ST6GALNAC3: variants seen among roughly 807,000 people sequenced by gnomAD.
The protein encoded by ST6GALNAC3 is ST6 N-acetylgalactosaminide alpha-2,6-sialyltransferase 3, also known as alpha-N-acetylgalactosaminide alpha-2,6-sialyltransferase 3.
In ST6GALNAC3, 25 loss-of-function variants were observed where a neutral mutation model predicts 32.7. The ratio of observed to expected loss-of-function variants is 0.76; its 90% CI spans 0.56 to 1.07. The LOEUF (loss-of-function observed/expected upper bound fraction) is 1.07, where lower values mean the gene tolerates loss of function less well. ST6GALNAC3 is among the 50% of genes least tolerant of loss of function. The pLI is 0.00. For synonymous variants in ST6GALNAC3, 129 were observed against 133.1 expected (o/e 0.97, Z 0.21); for missense variants, 355 against 382.4 (o/e 0.93, Z 0.60).
At chr1:76,147,932 C>T (rs1388371997) in intron 1 of ST6GALNAC3, among the ~76,000 whole-genome samples, 1 of 152,146 alleles carries the variant, frequency 6.6e-6, no homozygotes, top group Non-Finnish European at 1.5e-5. Context: ...ACCCTTCTCT[C>T]TTTGTATGGG....
chr1:76,459,555 C>A (rs1036887659), intron 3 of ST6GALNAC3, among the ~76,000 whole-genome samples: 1 of 140,670 alleles, frequency 7.1e-6, no homozygotes, highest in Non-Finnish European at 1.5e-5. Flanking sequence ...CAGAGCAAGA[C>A]TCCATCTCAA....
intron 1 of ST6GALNAC3, among the ~76,000 whole-genome samples, chr1:76,250,723 A>G (rs920413744): frequency 6.6e-6 from 1 of 152,180 alleles, no homozygotes; most frequent in Non-Finnish European, 1.5e-5. Context: ...CAACATGGCT[A>G]TGAAGCATAC....
chr1:76,087,179 C>T (rs921948302), intron 1 of ST6GALNAC3, among the ~76,000 whole-genome samples: 2 of 152,170 alleles, frequency 1.3e-5, no homozygotes, highest in Non-Finnish European at 2.9e-5. Flanking sequence ...TGACTTCTAA[C>T]TTGTGGGTAA....
chr1:76,312,749 T>C lies in ST6GALNAC3; in HGVS notation c.19-1056T>C, dbSNP rs369608664. On this transcript the variant is annotated intron_variant, in intron 1 of 4. Transcript: ENST00000328299. Reference sequence around the variant, plus strand: ...ACTTAGTATAGATGTATTAGCTTGATATCTGAGGCAATTCAGAATAAAGTT... The same window carrying C: ...ACTTAGTATAGATGTATTAGCTTGACATCTGAGGCAATTCAGAATAAAGTT... Among the ~76,000 whole-genome samples the C allele has an allele frequency of 1.3e-3, 194 of 152,276 alleles. 1 individual carries two copies. The highest frequency in any genetic ancestry group is 4.5e-3 in the African/African-American group (187 of 41,576).
intron 3 of ST6GALNAC3, among the ~76,000 whole-genome samples, chr1:76,598,949 A>G (rs1168359010): frequency 2.6e-5 from 4 of 152,200 alleles, no homozygotes; most frequent in African/African-American, 4.8e-5. Flanking sequence ...CTTTTCATGG[A>G]AAGAGAAAAT....
chr1:76,395,629 A>G (rs1652898481), intron 2 of ST6GALNAC3, among the ~76,000 whole-genome samples: 1 of 152,096 alleles, frequency 6.6e-6, no homozygotes, highest in African/African-American at 2.4e-5. Flanking sequence ...ACAGAGGAAT[A>G]TTATTCAGCC....
intron 2 of ST6GALNAC3, among the ~76,000 whole-genome samples, chr1:76,386,669 TAG>T (rs1652119485): frequency 6.6e-6 from 1 of 152,150 alleles, no homozygotes; most frequent in East Asian, 1.9e-4. Flanking sequence ...CTGTGGGTGT[TAG>T]AGTTAAACCT....
intron 3 of ST6GALNAC3, among the ~76,000 whole-genome samples, chr1:76,478,433 T>G (rs1319600230): frequency 6.6e-5 from 10 of 152,198 alleles, no homozygotes; most frequent in African/African-American, 2.4e-4. Context: ...GGATTTCTGT[T>G]GACTCCCAGA....
chr1:76,519,976 CTT>C (rs1292126257), intron 3 of ST6GALNAC3, among the ~76,000 whole-genome samples: 3 of 151,584 alleles, frequency 2.0e-5, no homozygotes, highest in Non-Finnish European at 2.9e-5. Context: ...TATTTTTACA[CTT>C]ATATACACTG....
intron 1 of ST6GALNAC3, among the ~76,000 whole-genome samples, chr1:76,235,736 T>A (rs2952435): frequency 0.38 from 54,494 of 145,300 alleles, 12,124 homozygotes; most frequent in African/African-American, 0.63. Context: ...ATGAGAAACT[T>A]ACTGTGTCAC....
At chr1:76,443,204 T>G (rs1321278796) in intron 3 of ST6GALNAC3, among the ~76,000 whole-genome samples, 1 of 152,148 alleles carries the variant, frequency 6.6e-6, no homozygotes, top group Admixed American at 6.5e-5. Flanking sequence ...CAAGCTGTAG[T>G]GCAGTTGTGG....
At chr1:76,297,556 T>G (rs1660476652) in intron 1 of ST6GALNAC3, among the ~76,000 whole-genome samples, 1 of 152,028 alleles carries the variant, frequency 6.6e-6, no homozygotes, top group South Asian at 2.1e-4. Flanking sequence ...GATCATTAGC[T>G]TTTTAGGTGC....
intron 3 of ST6GALNAC3, among the ~76,000 whole-genome samples, chr1:76,624,774 A>C (rs940033178): frequency 3.1e-4 from 47 of 151,862 alleles, no homozygotes; most frequent in African/African-American, 1.1e-3. Flanking sequence ...TTCTCCCCAC[A>C]AAAGTTTTGT....
intron 1 of ST6GALNAC3, among the ~76,000 whole-genome samples, chr1:76,113,935 CTGCCTCAACCTCCTGA>C (rs1648272994): frequency 6.6e-6 from 1 of 151,872 alleles, no homozygotes. Context: ...AGCAATTCTC[CTGCCTCAACCTCCTGA>C]GTAGCTGGGA....
Position 76,122,774 on chromosome 1 carries a change from C to T in ST6GALNAC3, c.18+47890C>T, listed in dbSNP as rs188646275. Among the ~76,000 whole-genome samples, 261 of 152,178 alleles carry T rather than the reference C, an allele frequency of 1.7e-3. 1 individual carries two copies. The highest frequency in any genetic ancestry group is 5.5e-3 in the African/African-American group (229 of 41,528). On this transcript the variant is annotated intron_variant, in intron 1 of 4. Coordinates refer to ENST00000328299, the MANE Select transcript of ST6GALNAC3 (RefSeq NM_152996.4). ...ATGTGTGTGAGCTGCAAAAGGGGTA[C>T]GTGAGCTCCAGGAACAGGTAGCATC...
chr1:76,349,468 T>C (rs1480889735), intron 2 of ST6GALNAC3, among the ~76,000 whole-genome samples: 1 of 152,190 alleles, frequency 6.6e-6, no homozygotes, highest in Non-Finnish European at 1.5e-5. Context: ...TGTTTCTCTG[T>C]GTTCTGGGCT....
chr1:76,382,950 CT>C, intron 2 of ST6GALNAC3, among the ~76,000 whole-genome samples: 1 of 152,072 alleles, frequency 6.6e-6, no homozygotes, highest in African/African-American at 2.4e-5. Context: ...AAAAACTTAC[CT>C]AGGTACGTTA....
chr1:76,432,939 T>C (rs1261657614), intron 3 of ST6GALNAC3, among the ~76,000 whole-genome samples: 1 of 152,174 alleles, frequency 6.6e-6, no homozygotes, highest in Non-Finnish European at 1.5e-5. Context: ...GAGGATGAAA[T>C]GTGGGGGCAT....
chr1:76,587,576 C>T (rs1021305593), intron 3 of ST6GALNAC3, among the ~76,000 whole-genome samples: 2 of 152,228 alleles, frequency 1.3e-5, no homozygotes, highest in Non-Finnish European at 2.9e-5. Context: ...TCTAGGCTTA[C>T]TGGTTGAGTG....
Sources: gnomAD v4.1 joint callset for allele counts (sites outside exome capture counted in the v4.1 genomes callset) on GRCh38, gnomAD v4.1.1 for gene constraint, MANE v1.5 for transcripts, NCBI Gene and HGNC (gene_info 2026-07-23, HGNC 2026-07-21) for gene names.